Variants in FGD5 observed in about 807,000 individuals in gnomAD.
FGD5 encodes FYVE, RhoGEF and PH domain-containing protein 5.
FGD5 carries 28 observed loss-of-function variants against 133.4 expected under a neutral mutation model. The observed-to-expected ratio is 0.21, with a 90% CI of 0.16 to 0.29. The LOEUF is 0.29. Ranked by LOEUF, FGD5 falls within the 10% of genes least tolerant of loss-of-function variation. FGD5 has a pLI of 1.00. For synonymous variants in FGD5, 810 were observed against 776.5 expected, an observed-to-expected ratio of 1.04 and a Z score of -0.72; for missense variants, 1,858 against 1,895.2, an observed-to-expected ratio of 0.98 and a Z score of 0.36.
At chr3:14,924,341 CCT>C (rs1376817696) in intron 17 of FGD5, among the ~76,000 whole-genome samples, 2 of 152,130 alleles carry the variant, frequency 1.3e-5, no homozygotes, top group African/African-American at 4.8e-5. Context: ...CTTCTCTCTA[CCT>C]CTCCCCTCCT....
At chr3:14,924,199 T>C (rs1458009469) in intron 17 of FGD5, 61 bp downstream of exon 17, 3 of 1,611,476 alleles carry the variant, frequency 1.9e-6, no homozygotes, top group Non-Finnish European at 2.5e-6. Context: ...ATGGTCATCC[T>C]GGGTAGACGG....
intron 1 of FGD5, among the ~76,000 whole-genome samples, chr3:14,851,226 A>T (rs1213748309): frequency 6.6e-6 from 1 of 152,190 alleles, no homozygotes; most frequent in Non-Finnish European, 1.5e-5. Flanking sequence ...CACAGGTCGT[A>T]TACCTCATTT....
At chr3:14,835,187 T>C (rs1219104037) in intron 1 of FGD5, among the ~76,000 whole-genome samples, 2 of 152,198 alleles carry the variant, frequency 1.3e-5, no homozygotes, top group Non-Finnish European at 2.9e-5. Flanking sequence ...GCAGGGAGGC[T>C]GTCCTGCGGG....
At chr3:14,881,369 A>G (rs879355584) in intron 4 of FGD5, among the ~76,000 whole-genome samples, 1 of 152,166 alleles carries the variant, frequency 6.6e-6, no homozygotes, top group Non-Finnish European at 1.5e-5. Context: ...AGTTCAGTTC[A>G]GCAGACATTG....
At chr3:14,870,376 C>T (rs947635219) in intron 2 of FGD5, among the ~76,000 whole-genome samples, 1 of 152,322 alleles carries the variant, frequency 6.6e-6, no homozygotes, top group African/African-American at 2.4e-5. Flanking sequence ...CTCCACCTCC[C>T]TTACTGCTGT....
In FGD5 at chr3:14,820,928, C is replaced by T. The variant is rs771459242; in HGVS notation, c.1857C>T (p.Phe619=). 4.2e-5 allele frequency: 67 copies of T among 1,613,764 alleles called. No individual in the cohort carries two copies. Among genetic ancestry groups the T allele is most frequent in the Non-Finnish European group, 5.4e-5 (64 of 1,179,884 alleles). The change falls in exon 1 of 20, where the codon TTC becomes TTT. Residue 619 remains phenylalanine, a synonymous_variant. Coordinates refer to ENST00000285046, the MANE Select transcript of FGD5 (RefSeq NM_152536.4). ...CCATGGTCGACATCCCACCTCCTTT[C>T]GACCTGGCCTGCATCACCAAGAAGC... is the stretch of plus-strand genomic sequence containing the variant. The part of the protein sequence containing the change: ...PSSMVDIPPP[F]DLACITKKPI...
At chr3:14,810,693 C>T (rs894038728), upstream of FGD5, among the ~76,000 whole-genome samples, 36 of 146,362 alleles carry the variant, frequency 2.5e-4, no homozygotes, top group East Asian at 5.9e-3. Context: ...CCCCCACTGC[C>T]CTGCGCGCCG....
intron 1 of FGD5, among the ~76,000 whole-genome samples, chr3:14,849,048 G>A (rs2037108097): frequency 6.6e-6 from 1 of 152,192 alleles, no homozygotes; most frequent in Admixed American, 6.5e-5. Context: ...TGGAGTTGGG[G>A]AAGACCACAT....
intron 1 of FGD5, among the ~76,000 whole-genome samples, chr3:14,848,204 T>C (rs1366127351): frequency 1.3e-5 from 2 of 152,220 alleles, no homozygotes; most frequent in African/African-American, 4.8e-5. Context: ...TCTCACCCTT[T>C]GGACGAGGCT....
At chr3:14,871,527 C>A (rs1222689848) in intron 2 of FGD5, among the ~76,000 whole-genome samples, 1 of 152,188 alleles carries the variant, frequency 6.6e-6, no homozygotes, top group Non-Finnish European at 1.5e-5. Flanking sequence ...CATAGCCATG[C>A]AGAGAGTGCT....
intron 4 of FGD5, among the ~76,000 whole-genome samples, chr3:14,894,912 G>T (rs983510794): frequency 4.8e-5 from 3 of 62,752 alleles, no homozygotes; most frequent in South Asian, 5.1e-4. Flanking sequence ...TTTAACAGGG[G>T]TGAGATGATA....
chr3:14,926,898 G>T (rs2038814022), intron 18 of FGD5, among the ~76,000 whole-genome samples: 1 of 152,188 alleles, frequency 6.6e-6, no homozygotes, highest in South Asian at 2.1e-4. Flanking sequence ...GAGCTGCAGA[G>T]GGTGGGTGCT....
intron 1 of FGD5, among the ~76,000 whole-genome samples, chr3:14,812,329 G>A (rs2125062747): frequency 6.6e-6 from 1 of 152,332 alleles, no homozygotes; most frequent in Non-Finnish European, 1.5e-5. Context: ...CCTCCTGCCT[G>A]TGCTGGCGTG....
chr3:14,819,262 A>G lies in FGD5; in HGVS notation c.191A>G (p.Asp64Gly). 2.0e-6 allele frequency: 3 copies of G among 1,536,238 alleles called. No homozygotes were observed. The highest frequency in any genetic ancestry group is 1.8e-6 in the Non-Finnish European group (2 of 1,139,420). ...TGCTCTGAGTCGGAGACCGACGAGG[A>G]TTACATCGTGGTCCCCAGGGTTCCG... ...PKCSESETDE[D>G]YIVVPRVPLR... is the part of the protein sequence containing the mutation. Residue 64 changes from aspartate to glycine, a missense_variant, in exon 1 of 20, where the codon GAT becomes GGT. Coordinates refer to ENST00000285046, the MANE Select transcript of FGD5 (RefSeq NM_152536.4). This position sits in a 1 kb window ranked among gnomAD's most constrained non-coding sequence, Gnocchi z 4.1.
At chr3:14,828,566 C>T (rs959378783) in intron 1 of FGD5, among the ~76,000 whole-genome samples, 1 of 152,154 alleles carries the variant, frequency 6.6e-6, no homozygotes, top group African/African-American at 2.4e-5. Flanking sequence ...TGTGAGTGAG[C>T]CTAGCCAGTT....
At chr3:14,890,112 A>G (rs1020099220) in intron 4 of FGD5, among the ~76,000 whole-genome samples, 10 of 151,564 alleles carry the variant, frequency 6.6e-5, no homozygotes, top group Non-Finnish European at 1.5e-5. Flanking sequence ...ACGGCCACAC[A>G]CTCCGCCTGA....
At chr3:14,925,271 A>G (rs1169885812) in intron 17 of FGD5, among the ~76,000 whole-genome samples, 1 of 152,176 alleles carries the variant, frequency 6.6e-6, no homozygotes, top group African/African-American at 2.4e-5. Flanking sequence ...TCATGCACAT[A>G]CATAATACAG....
intron 1 of FGD5, among the ~76,000 whole-genome samples, chr3:14,839,302 G>C (rs2036872551): frequency 6.6e-6 from 1 of 152,186 alleles, no homozygotes; most frequent in Non-Finnish European, 1.5e-5. Flanking sequence ...TGTCGTGAAG[G>C]TCATGTTATG....
intron 7 of FGD5, among the ~76,000 whole-genome samples, 200 bp downstream of exon 7, chr3:14,899,026 C>G (rs2038189235): frequency 1.3e-5 from 2 of 152,146 alleles, no homozygotes; most frequent in Non-Finnish European, 2.9e-5. Flanking sequence ...AACGCTCCCT[C>G]CAGTGGCCAC....
Sources: allele counts gnomAD v4.1 joint callset (sites outside exome capture counted in the v4.1 genomes callset), GRCh38; gene constraint gnomAD v4.1.1; non-coding constraint Gnocchi (gnomAD v3.1); transcripts MANE v1.5; gene names NCBI Gene and HGNC (gene_info 2026-07-23, HGNC 2026-07-21).